PSD2: variants seen among roughly 807,000 people sequenced by gnomAD.
The protein encoded by PSD2 is pleckstrin and Sec7 domain containing 2.
PSD2 carries 38 observed loss-of-function variants against 69.8 expected under a neutral mutation model. The observed-to-expected ratio is 0.54, with a 90% confidence interval of 0.42 to 0.71. PSD2 has a LOEUF of 0.71. Among genes scored for constraint, PSD2 ranks in the 30% least tolerant of loss-of-function variants. PSD2 has a pLI of 0.00. For synonymous variants in PSD2, 412 were observed against 423.0 expected (o/e 0.97, Z 0.32); for missense variants, 943 against 1,014.5 (o/e 0.93, Z 0.96).
intron 7 of PSD2, among the ~76,000 whole-genome samples, chr5:139,826,946 G>C (rs527639632): frequency 1.3e-5 from 2 of 152,332 alleles, no homozygotes; most frequent in African/African-American, 2.4e-5. Flanking sequence ...AGTCAGGAAG[G>C]CTTCTACCAC....
At chr5:139,794,042 G>T (rs73263132), upstream of PSD2, among the ~76,000 whole-genome samples, 1,310 of 152,308 alleles carry the variant, frequency 8.6e-3, 23 homozygotes, top group African/African-American at 0.029. Flanking sequence ...GGGCAGGGGG[G>T]TAGAATGCAG....
At chr5:139,751,561 C>A in the PSD2 span, among the ~76,000 whole-genome samples, 1 of 152,170 alleles carries the variant, frequency 6.6e-6, no homozygotes, top group South Asian at 2.1e-4. Flanking sequence ...CAGGTTCAGA[C>A]CCTGGCTCTA....
intron 1 of PSD2, among the ~76,000 whole-genome samples, chr5:139,807,219 C>T (rs888109509): frequency 3.3e-5 from 5 of 152,190 alleles, no homozygotes; most frequent in Admixed American, 2.0e-4. Flanking sequence ...TTGAGTCATC[C>T]TGGTGAAATC....
the PSD2 span, among the ~76,000 whole-genome samples, chr5:139,754,872 AAAAC>A: frequency 6.8e-6 from 1 of 147,618 alleles, no homozygotes; most frequent in South Asian, 2.1e-4. Flanking sequence ...GTCTCAAAAA[AAAAC>A]AAAAACAAAA....
chr5:139,754,502 T>A, the PSD2 span, among the ~76,000 whole-genome samples: 2 of 151,178 alleles, frequency 1.3e-5, 1 homozygote, highest in South Asian at 4.2e-4. Context: ...AGCTCCAGCC[T>A]GGGCAACATG....
Position 139,813,723 on chromosome 5 carries a change from TGAG to T in PSD2, c.792_794del (p.Glu264del), listed in dbSNP as rs754280361. 1.4e-5 allele frequency: 23 copies of T among 1,611,694 alleles called. No individual in the cohort carries two copies. The Admixed American group carries it at 3.7e-4, about 26-fold the overall frequency. On this transcript the variant is annotated inframe_deletion, in exon 3 of 15. Coordinates refer to ENST00000274710, the MANE Select transcript of PSD2 (RefSeq NM_032289.4). ...GCCCAGGGGGGGATGAGGATGATGATGAGGAGGACACGGACAAGTTGCTGAACT... is the reference window on the plus strand; with the variant it reads ...GCCCAGGGGGGGATGAGGATGATGATGAGGACACGGACAAGTTGCTGAACT...
the PSD2 span, among the ~76,000 whole-genome samples, chr5:139,747,265 C>T: frequency 1.0e-3 from 155 of 152,298 alleles, no homozygotes; most frequent in Non-Finnish European, 2.0e-3. The surrounding 1 kb of genome is among the most constrained non-coding windows in gnomAD (Gnocchi z 6.7). Context: ...CCCAACCCCC[C>T]GCACACACAC....
the PSD2 span, among the ~76,000 whole-genome samples, chr5:139,788,181 C>A: frequency 6.7e-5 from 1 of 14,942 alleles, no homozygotes. Flanking sequence ...CCCCCCGCGC[C>A]CCCCCCCGAA....
the PSD2 span, among the ~76,000 whole-genome samples, chr5:139,788,714 G>A: frequency 6.6e-6 from 1 of 152,172 alleles, no homozygotes; most frequent in Non-Finnish European, 1.5e-5. Context: ...GCCCTGGGCC[G>A]GCGGCCGGCT....
chr5:139,817,754 T>C (rs1387791337), intron 5 of PSD2, among the ~76,000 whole-genome samples, 193 bp downstream of exon 5: 1 of 152,040 alleles, frequency 6.6e-6, no homozygotes, highest in Non-Finnish European at 1.5e-5. Flanking sequence ...TAGTAGCTGT[T>C]AGGATGTGAG....
chr5:139,744,612 G>T, the PSD2 span, among the ~76,000 whole-genome samples: 1 of 152,080 alleles, frequency 6.6e-6, no homozygotes, highest in Non-Finnish European at 1.5e-5. Context: ...CGGCGGGGGT[G>T]GGGGGAAGGC....
intron 7 of PSD2, among the ~76,000 whole-genome samples, chr5:139,831,762 G>C (rs567180563): frequency 2.0e-4 from 30 of 152,086 alleles, no homozygotes; most frequent in Non-Finnish European, 1.9e-4. Flanking sequence ...TTTCCATTTA[G>C]AGTTACCAAT....
chr5:139,801,821 C>T (rs549777633), intron 1 of PSD2, among the ~76,000 whole-genome samples: 13 of 152,300 alleles, frequency 8.5e-5, no homozygotes, highest in African/African-American at 2.9e-4. Context: ...TCTTCTTGAG[C>T]GGCAACTCCA....
the PSD2 span, among the ~76,000 whole-genome samples, chr5:139,790,051 G>C: frequency 1.3e-5 from 2 of 152,080 alleles, no homozygotes; most frequent in African/African-American, 2.4e-5. Context: ...GGAGGGGACC[G>C]GTGTGTCTGC....
chr5:139,766,828 C>CTTTCT, the PSD2 span, among the ~76,000 whole-genome samples: 31 of 87,812 alleles, frequency 3.5e-4, 1 homozygote, highest in South Asian at 1.3e-3. Context: ...AAGTCCCTTC[C>CTTTCT]TTCTTTCTTT....
chr5:139,808,990 G>T (rs1298591874), intron 1 of PSD2, among the ~76,000 whole-genome samples: 1 of 152,232 alleles, frequency 6.6e-6, no homozygotes, highest in Non-Finnish European at 1.5e-5. Context: ...GAGGCTAGGG[G>T]ACCGGCTGCT....
At chr5:139,796,593 G>GCCTCCC (rs1759535596) in intron 1 of PSD2, among the ~76,000 whole-genome samples, 1 of 152,250 alleles carries the variant, frequency 6.6e-6, no homozygotes, top group Non-Finnish European at 1.5e-5. Flanking sequence ...CAGCGGGAGG[G>GCCTCCC]AGGGGTCCCA....
chr5:139,844,377 G>C lies in PSD2; in HGVS notation c.*1903G>C, dbSNP rs761524464. 1 of 152,114 alleles carries C rather than the reference G, an allele frequency of 6.6e-6. No homozygotes were observed. Among genetic ancestry groups the C allele is most frequent in the Non-Finnish European group, 1.5e-5 (1 of 68,024 alleles). 9.4% of individuals were successfully genotyped at this position (152,114 alleles called of 1,614,324 possible). A position where few individuals can be genotyped will look rare whatever the true frequency, so the allele number is the denominator to read the frequency against. ...TTGTAAATTATATACATGTACTACT[G>C]TACTAAAATATTATGTACATTATAA... On this transcript the variant is annotated 3_prime_UTR_variant, in exon 15 of 15. Coordinates refer to ENST00000274710, the MANE Select transcript of PSD2 (RefSeq NM_032289.4).
chr5:139,744,619 A>C, the PSD2 span, among the ~76,000 whole-genome samples: 1 of 152,078 alleles, frequency 6.6e-6, no homozygotes, highest in African/African-American at 2.4e-5. Context: ...GGTGGGGGGA[A>C]GGCTCTCACA....
Sources: gnomAD v4.1 joint callset for allele counts (sites outside exome capture counted in the v4.1 genomes callset) on GRCh38, gnomAD v4.1.1 for gene constraint, Gnocchi (gnomAD v3.1) non-coding constraint, MANE v1.5 for transcripts, NCBI Gene and HGNC (gene_info 2026-07-23, HGNC 2026-07-21) for gene names.